FBXW2: variants seen among roughly 807,000 people sequenced by gnomAD.
The protein encoded by FBXW2 is F-box/WD repeat-containing protein 2.
FBXW2 carries 12 observed loss-of-function variants against 46.0 expected under a neutral mutation model. The ratio of observed to expected loss-of-function variants is 0.26; its 90% confidence interval spans 0.17 to 0.42. The LOEUF (loss-of-function observed/expected upper bound fraction) is 0.42, where lower values mean the gene tolerates loss of function less well. Ranked by LOEUF, FBXW2 falls within the 10% of genes least tolerant of loss-of-function variation. The pLI is 1.00. For synonymous variants in FBXW2, 203 were observed against 209.6 expected (o/e 0.97, Z 0.27); for missense variants, 360 against 537.0 (o/e 0.67, Z 3.26).
intron 6 of FBXW2, 33 bp from the exon 7 acceptor site, chr9:120,771,550 G>T (rs762079164): frequency 1.9e-6 from 3 of 1,551,316 alleles, no homozygotes; most frequent in Admixed American, 1.8e-5. Flanking sequence ...AAAGATGAGA[G>T]ATCACATCAC....
chr9:120,787,580 A>C (rs920370451), intron 3 of FBXW2, among the ~76,000 whole-genome samples, 189 bp downstream of exon 3: 3 of 152,202 alleles, frequency 2.0e-5, no homozygotes, highest in African/African-American at 7.2e-5. Context: ...AAATTTTATA[A>C]AAATGATTGT....
At chr9:120,770,903 C>T (rs910324585) in intron 7 of FBXW2, among the ~76,000 whole-genome samples, 2 of 152,180 alleles carry the variant, frequency 1.3e-5, no homozygotes, top group African/African-American at 4.8e-5. Flanking sequence ...TTATTTTTCT[C>T]TAAGTCTCTG....
At chr9:120,789,700 A>C (rs2131380484) in intron 2 of FBXW2, among the ~76,000 whole-genome samples, 1 of 152,374 alleles carries the variant, frequency 6.6e-6, no homozygotes, top group East Asian at 1.9e-4. Flanking sequence ...CACCTAGATC[A>C]GGTCTACACA....
At chr9:120,786,018 CAA>C (rs3047150) in intron 3 of FBXW2, among the ~76,000 whole-genome samples, 2,011 of 40,040 alleles carry the variant, frequency 0.05, 2 homozygotes, top group Middle Eastern at 0.1. Context: ...GACTCCATCT[CAA>C]AAAAAAAAAA....
intron 7 of FBXW2, among the ~76,000 whole-genome samples, chr9:120,769,540 C>T (rs552063901): frequency 6.6e-6 from 1 of 152,302 alleles, no homozygotes; most frequent in African/African-American, 2.4e-5. Flanking sequence ...ACATCTCTAG[C>T]CCACCTTGCC....
rs2044167929 is a variant in FBXW2 at position 120,759,679 on chromosome 9, T to A, written c.*4880A>T. On this transcript the variant is annotated 3_prime_UTR_variant, in exon 8 of 8. Coordinates refer to ENST00000608872, the MANE Select transcript of FBXW2 (RefSeq NM_012164.4). ...CATGAGCTTTTATCATCTGAATTAC[T>A]AATTTTCCAGGGTTGAATATTAAAA... 6.6e-6 allele frequency: 1 copy of A among 152,266 alleles called. No homozygotes were observed. The highest frequency in any genetic ancestry group is 1.5e-5 in the Non-Finnish European group (1 of 68,046). The allele number at this position is 152,266 out of a possible 1,614,324, so 9.4% of individuals were successfully genotyped here.
rs1366433565 is a variant in FBXW2, at chr9:120,764,503, A to G, written c.*56T>C. ...TGCAGTCGGCTGCCGCAGAGGTTGC[A>G]CCCAAAACCCGCAGCCCCGGCACCC... is the stretch of plus-strand genomic sequence containing the variant. On this transcript the variant is annotated 3_prime_UTR_variant, in exon 8 of 8. Transcript: ENST00000608872. 1 of 1,568,204 alleles carries G rather than the reference A, an allele frequency of 6.4e-7. No individual in the cohort carries two copies. The highest frequency in any genetic ancestry group is 1.8e-5 in the Admixed American group (1 of 56,626).
At chr9:120,767,221 A>G (rs10985031) in intron 7 of FBXW2, among the ~76,000 whole-genome samples, 413 of 152,358 alleles carry the variant, frequency 2.7e-3, no homozygotes, top group East Asian at 0.018. Context: ...AAAATCTATG[A>G]TACTAAGAAT....
intron 4 of FBXW2, 145 bp downstream of exon 4, chr9:120,778,206 A>G: frequency 2.6e-6 from 2 of 779,384 alleles, no homozygotes; most frequent in Non-Finnish European, 4.1e-6. Context: ...GAGTAACTAG[A>G]ATAAAGGGAA....
At chr9:120,778,594 A>C in intron 3 of FBXW2, 49 bp from the exon 4 acceptor site, 1 of 1,496,856 alleles carries the variant, frequency 6.7e-7, no homozygotes, top group Non-Finnish European at 9.2e-7. Context: ...CACACTAAAG[A>C]AGGAAAATCA....
chr9:120,785,003 C>T (rs1264547476), intron 3 of FBXW2, among the ~76,000 whole-genome samples: 1 of 150,534 alleles, frequency 6.6e-6, no homozygotes, highest in Non-Finnish European at 1.5e-5. Context: ...GATGATACTG[C>T]ATCTTAATAT....
intron 5 of FBXW2, among the ~76,000 whole-genome samples, chr9:120,775,531 C>G (rs1401844947): frequency 6.6e-6 from 1 of 152,168 alleles, no homozygotes; most frequent in Non-Finnish European, 1.5e-5. Context: ...GGATGGTAAA[C>G]TCAAGAAAAG....
intron 5 of FBXW2, among the ~76,000 whole-genome samples, chr9:120,773,232 T>C (rs1354683902): frequency 6.6e-6 from 1 of 151,766 alleles, no homozygotes; most frequent in Non-Finnish European, 1.5e-5. Flanking sequence ...CATTTAATCT[T>C]AGCATTCGTC....
chr9:120,773,578 TTGAGA>T (rs1354763758), intron 5 of FBXW2, among the ~76,000 whole-genome samples: 1 of 152,242 alleles, frequency 6.6e-6, no homozygotes, highest in Non-Finnish European at 1.5e-5. Flanking sequence ...CTGTTAGCAC[TTGAGA>T]TAAGTATATA....
intron 5 of FBXW2, among the ~76,000 whole-genome samples, chr9:120,774,337 C>CAAAAA (rs34199690): frequency 3.9e-5 from 3 of 76,110 alleles, no homozygotes; most frequent in Non-Finnish European, 8.1e-5. Flanking sequence ...AACTCCATCT[C>CAAAAA]AAAAAAAAAA....
At chr9:120,787,675 C>A in intron 3 of FBXW2, 94 bp downstream of exon 3, 1 of 1,364,184 alleles carries the variant, frequency 7.3e-7, no homozygotes, top group South Asian at 1.4e-5. Flanking sequence ...CTCATATAAT[C>A]AACACTTGTC....
At chr9:120,791,830 C>CA (rs1484669070) in intron 2 of FBXW2, among the ~76,000 whole-genome samples, 1 of 152,116 alleles carries the variant, frequency 6.6e-6, no homozygotes, top group African/African-American at 2.4e-5. Flanking sequence ...GCCCCCTTAC[C>CA]CTACGTCCCT....
Position 120,764,697 on chromosome 9 carries a change from T to C in FBXW2, c.1227A>G (p.Ser409=), listed in dbSNP as rs200964760. ...CTGCCAGGAAGCTTGAGCCTCTCTT[T>C]GATTTCCTGTACTCTGGCAGAGGCC... ...SRWPLPEYRK[S]KRGSSFLAGE... is the part of the protein sequence containing the mutation. The change falls in exon 8 of 8, where the codon TCA becomes TCG. Residue 409 remains serine, a synonymous_variant. Transcript: ENST00000608872. 6.2e-7 allele frequency: 1 copy of C among 1,614,230 alleles called. No individual in the cohort carries two copies. The highest frequency in any genetic ancestry group is 1.6e-4 in the Middle Eastern group (1 of 6,062).
intron 2 of FBXW2, 49 bp downstream of exon 2, chr9:120,793,100 T>C (rs1225439905): frequency 9.3e-6 from 7 of 750,226 alleles, no homozygotes; most frequent in Non-Finnish European, 1.6e-5. Flanking sequence ...AACCCATTCG[T>C]TGCTCCCAGG....
Sources: gnomAD v4.1 joint callset for allele counts (sites outside exome capture counted in the v4.1 genomes callset) on GRCh38, gnomAD v4.1.1 for gene constraint, MANE v1.5 for transcripts, NCBI Gene and HGNC (gene_info 2026-07-23, HGNC 2026-07-21) for gene names.